ALG1: variants seen among roughly 807,000 people sequenced by gnomAD.
ALG1 encodes the protein chitobiosyldiphosphodolichol beta-mannosyltransferase.
A neutral mutation model predicts 55.1 loss-of-function variants in ALG1; 58 were observed. That is an observed-to-expected ratio of 1.05 (90% confidence interval 0.85 to 1.31). ALG1 has a LOEUF of 1.31. Among genes scored for constraint, ALG1 ranks in the 50% most tolerant of loss-of-function variants. The pLI is 0.00. For missense variants in ALG1, 761 were observed against 598.6 expected, an observed-to-expected ratio of 1.27 and a Z score of -2.83; for synonymous variants, 309 against 247.0, an observed-to-expected ratio of 1.25 and a Z score of -2.35.
In ALG1 at chr16:5,082,716, T is replaced by A. The variant is rs758561032; in HGVS notation, c.1187+43T>A. 2.6e-5 allele frequency: 42 copies of A among 1,606,020 alleles called. No homozygotes were observed. In the Admixed American group the frequency reaches 4.5e-4, roughly 17 times the overall value. ...ATCCTTCTGGGGATAGCTTTGCAGA[T>A]CCACCGCTGAGGGGGAAGCAGTGCA... On this transcript the variant is annotated intron_variant, in intron 11 of 12. Transcript: ENST00000262374.
intron 1 of ALG1, 148 bp downstream of exon 1, chr16:5,072,205 C>G: frequency 2.0e-6 from 3 of 1,535,418 alleles, no homozygotes; most frequent in Non-Finnish European, 2.6e-6. Flanking sequence ...CTGCCCCAGC[C>G]TTTCCTGGGT....
In ALG1 at chr16:5,085,481, T is replaced by G. The variant is rs576528783; in HGVS notation, c.*600T>G. On this transcript the variant is annotated 3_prime_UTR_variant, in exon 13 of 13. Transcript: ENST00000262374. ...CCCACACGCTTAGATAGCCGATGTC[T>G]TATTAGAGGGCAGTTTGTGGTTCCT... The G allele has an allele frequency of 1.1e-5, 8 of 697,406 alleles. No homozygotes were observed. Among genetic ancestry groups the G allele is most frequent in the African/African-American group, 8.7e-5 (5 of 57,326 alleles). 43.2% of individuals were successfully genotyped at this position (697,406 alleles called of 1,614,324 possible).
chr16:5,075,582 A>C, intron 4 of ALG1, 46 bp downstream of exon 4: 1 of 1,610,360 alleles, frequency 6.2e-7, no homozygotes, highest in Non-Finnish European at 8.5e-7. Flanking sequence ...TAAACCACTC[A>C]AGGATGAGTG....
rs569317828 is a variant in ALG1 at position 5,085,261 on chromosome 16, C to T, written c.*380C>T. The stretch of plus-strand genomic sequence containing the variant: ...GTCTTGAAAAAAGCACCTGCTGCAC[C>T]GTAAGCCCAGGGATGTGGCAGCTGC... On this transcript the variant is annotated 3_prime_UTR_variant, in exon 13 of 13. Transcript: ENST00000262374. The T allele has an allele frequency of 4.3e-5, 21 of 493,688 alleles. No individual in the cohort carries two copies. The highest frequency in any genetic ancestry group is 1.5e-4 in the South Asian group (7 of 46,862). The allele number at this position is 493,688 out of a possible 1,614,324, so 30.6% of individuals were successfully genotyped here.
rs1399106456 is a variant in ALG1, at chr16:5,086,299, C to T, written c.*1418C>T. ...GCAGTGAGCTGAGATTGTGCCACTG[C>T]ACTCCAGCCTGAGTGACAGGGTGAG... On this transcript the variant is annotated 3_prime_UTR_variant, in exon 13 of 13. Transcript: ENST00000262374. 6.9e-6 allele frequency among the ~76,000 whole-genome samples: 1 copy of T among 145,900 alleles called. No homozygotes were observed. Among genetic ancestry groups the T allele is most frequent in the African/African-American group, 2.5e-5 (1 of 39,544 alleles).
chr16:5,076,545 C>T (rs1019925226), intron 4 of ALG1, among the ~76,000 whole-genome samples: 19 of 152,222 alleles, frequency 1.2e-4, no homozygotes, highest in Admixed American at 5.2e-4. Context: ...AGCCCATTTC[C>T]GAGCTTTCTC....
rs773372110 is a variant in ALG1 at position 5,072,025 on chromosome 16, A to C, written c.176A>C (p.His59Pro). The stretch of plus-strand genomic sequence containing the variant: ...TACCACGCGCTGTCGTTGGCCATGC[A>C]CGGCTTCTCGGTGACCCTCCTGGGG... Reference protein sequence around the residue: ...MQYHALSLAMHGFSVTLLGFC... With the variant: ...MQYHALSLAMPGFSVTLLGFC... Residue 59 changes from histidine to proline, a missense_variant, in exon 1 of 13, where the codon CAC becomes CCC. His to Pro is a moderately conservative substitution (Grantham distance 77, BLOSUM62 -2). Transcript: ENST00000262374. The C allele has an allele frequency of 8.8e-6, 14 of 1,595,252 alleles. No homozygotes were observed. In the African/African-American group the frequency reaches 1.6e-4, roughly 18 times the overall value.
rs1463230291 is a variant in ALG1 at position 5,079,120 on chromosome 16, G to C, written c.901+18G>C. 6.3e-7 allele frequency: 1 copy of C among 1,595,434 alleles called. No homozygotes were observed. The highest frequency in any genetic ancestry group is 1.3e-5 in the African/African-American group (1 of 74,818). The stretch of plus-strand genomic sequence containing the variant: ...TTTAGAAAGTAGGTGTGTGGCTGCG[G>C]TGAGGAGCTCTGGGCTTGTCGGGGG... On this transcript the variant is annotated intron_variant, in intron 8 of 12. Coordinates refer to ENST00000262374, the MANE Select transcript of ALG1 (RefSeq NM_019109.5).
intron 5 of ALG1, 115 bp from the exon 6 acceptor site, chr16:5,077,792 C>T (rs1277155399): frequency 8.4e-7 from 1 of 1,184,878 alleles, no homozygotes; most frequent in Non-Finnish European, 1.2e-6. Context: ...TTCTTCTTGT[C>T]ATCATCTGAG....
At position 5,081,133 on chromosome 16, in the gene ALG1, G is replaced by A. The variant is rs1957012409; in HGVS notation, c.1072+77G>A. On this transcript the variant is annotated intron_variant, in intron 10 of 12. Coordinates refer to ENST00000262374, the MANE Select transcript of ALG1 (RefSeq NM_019109.5). ...GGGATGTACTTTTTCTGAAAAGGTG[G>A]CTCTGGAGGCCACTGGGGGACGGGA... 2.1e-6 allele frequency: 3 copies of A among 1,417,392 alleles called. No individual in the cohort carries two copies. The South Asian group carries it at 3.9e-5, about 18-fold the overall frequency. The allele number at this position is 1,417,392 out of a possible 1,614,324, so 87.8% of individuals were successfully genotyped here. A position where few individuals can be genotyped will look rare whatever the true frequency, so the allele number is the denominator to read the frequency against.
rs904528063 is a variant in ALG1 at position 5,085,825 on chromosome 16, T to A, written c.*944T>A. On this transcript the variant is annotated 3_prime_UTR_variant, in exon 13 of 13. Coordinates refer to ENST00000262374, the MANE Select transcript of ALG1 (RefSeq NM_019109.5). ...GGCTGCTAGGACAGGCCTGGCGGGG[T>A]AGGGGGGTGTCCAAGTCAGTTTACT... 2.7e-5 allele frequency: 27 copies of A among 986,310 alleles called. No homozygotes were observed. The highest frequency in any genetic ancestry group is 4.2e-5 in the Non-Finnish European group (26 of 612,122). 61.1% of individuals were successfully genotyped at this position (986,310 alleles called of 1,614,324 possible). A position where few individuals can be genotyped will look rare whatever the true frequency, so the allele number is the denominator to read the frequency against.
At chr16:5,079,898 GT>G in intron 9 of ALG1, 91 bp downstream of exon 9, 1 of 1,472,202 alleles carries the variant, frequency 6.8e-7, no homozygotes, top group Non-Finnish European at 9.5e-7. Flanking sequence ...CCATGATCTT[GT>G]CTCCTTAATC....
At chr16:5,075,577 C>T (rs891707244) in intron 4 of ALG1, 41 bp downstream of exon 4, 3 of 1,611,702 alleles carry the variant, frequency 1.9e-6, no homozygotes, top group Non-Finnish European at 2.5e-6. Flanking sequence ...TCCCCTAAAC[C>T]ACTCAAGGAT....
chr16:5,078,022 G>A lies in ALG1; in HGVS notation c.740+5G>A, dbSNP rs374539022. 5 of 1,597,820 alleles carry A rather than the reference G, an allele frequency of 3.1e-6. No individual in the cohort carries two copies. The highest frequency in any genetic ancestry group is 2.7e-5 in the African/African-American group (2 of 74,832). On this transcript the variant is annotated splice_donor_5th_base_variant and intron_variant, in intron 6 of 12. Coordinates refer to ENST00000262374, the MANE Select transcript of ALG1 (RefSeq NM_019109.5). ...GCACTCTCCGTTCAGGGCCCGGTAG[G>A]CCTCCCATCCTCAGCTGCCTTCTCT...
In ALG1 at chr16:5,086,127, G is replaced by C. The variant is rs1305276806; in HGVS notation, c.*1246G>C. Among the ~76,000 whole-genome samples, 2 of 152,206 alleles carry C rather than the reference G, an allele frequency of 1.3e-5. No individual in the cohort carries two copies. The highest frequency in any genetic ancestry group is 2.9e-5 in the Non-Finnish European group (2 of 68,038). ...AAGGCGGGCGGATCACTTGAGGTCA[G>C]GAGTTCGAGACCAGCCTGGCCAACA... On this transcript the variant is annotated 3_prime_UTR_variant, in exon 13 of 13. Transcript: ENST00000262374.
rs1426251072 is a variant in ALG1 at position 5,086,154 on chromosome 16, G to A, written c.*1273G>A. Among the ~76,000 whole-genome samples, 2 of 152,102 alleles carry A rather than the reference G, an allele frequency of 1.3e-5. No individual in the cohort carries two copies. Among genetic ancestry groups the A allele is most frequent in the East Asian group, 1.9e-4 (1 of 5,170 alleles). The stretch of plus-strand genomic sequence containing the variant: ...AGTTCGAGACCAGCCTGGCCAACAT[G>A]GTGAAATCCCATCTCTACAAAAATA... On this transcript the variant is annotated 3_prime_UTR_variant, in exon 13 of 13. Transcript: ENST00000262374.
intron 3 of ALG1, among the ~76,000 whole-genome samples, chr16:5,074,069 C>G (rs1030641400): frequency 6.7e-6 from 1 of 149,618 alleles, no homozygotes; most frequent in Non-Finnish European, 1.5e-5. Flanking sequence ...AAAAATTTTT[C>G]TTTCTTTTCT....
intron 6 of ALG1, 158 bp downstream of exon 6, chr16:5,078,175 A>G: frequency 1.2e-6 from 1 of 856,170 alleles, no homozygotes; most frequent in Non-Finnish European, 1.9e-6. Context: ...ACTGGGACAC[A>G]ACACACTCAT....
In ALG1 at chr16:5,071,953, T is replaced by C; in HGVS notation, c.104T>C (p.Val35Ala). 1.9e-6 allele frequency: 3 copies of C among 1,588,794 alleles called. No individual in the cohort carries two copies. The highest frequency in any genetic ancestry group is 2.6e-6 in the Non-Finnish European group (3 of 1,167,756). ...CGCCGGGGGCGGGCGGCCCGGCATG[T>C]AGTAGCGGTGGTGCTGGGCGACGTG... is the stretch of plus-strand genomic sequence containing the variant. ...RWRRGRAARHVVAVVLGDVGR... is the reference protein window; with the variant it reads ...RWRRGRAARHAVAVVLGDVGR... Residue 35 changes from valine to alanine, a missense_variant, in exon 1 of 13, where the codon GTA becomes GCA. By Grantham distance (64) the Val-to-Ala change is moderately conservative (BLOSUM62 0). Coordinates refer to ENST00000262374, the MANE Select transcript of ALG1 (RefSeq NM_019109.5).
Sources: allele counts gnomAD v4.1 joint callset (sites outside exome capture counted in the v4.1 genomes callset), GRCh38; gene constraint gnomAD v4.1.1; transcripts MANE v1.5; gene names NCBI Gene and HGNC (gene_info 2026-07-23, HGNC 2026-07-21).